The following TFEC variants were observed in gnomAD, a reference collection of about 807,000 sequenced individuals.
TFEC encodes transcription factor EC, also known as class E basic helix-loop-helix protein 34.
Under a neutral mutation model 41.6 loss-of-function variants are expected in TFEC, and 31 were observed. The ratio of observed to expected loss-of-function variants is 0.74; its 90% CI spans 0.56 to 1.01. TFEC has a LOEUF of 1.01. Ranked by LOEUF, TFEC falls within the 50% of genes least tolerant of loss-of-function variation. The pLI is 0.00. For synonymous variants in TFEC, 143 were observed against 140.6 expected, an observed-to-expected ratio of 1.02 and a Z score of -0.12; for missense variants, 402 against 404.1, an observed-to-expected ratio of 0.99 and a Z score of 0.04.
intron 3 of TFEC, among the ~76,000 whole-genome samples, chr7:116,086,344 A>G (rs1208621827): frequency 2.0e-5 from 3 of 151,820 alleles, no homozygotes; most frequent in African/African-American, 7.2e-5. Flanking sequence ...AAATAATACC[A>G]TATTTAGGAC....
Position 115,979,644 on chromosome 7 carries a change from G to T in TFEC, c.180+4618C>A, listed in dbSNP as rs1437735255. Among the ~76,000 whole-genome samples, 5 of 151,970 alleles carry T rather than the reference G, an allele frequency of 3.3e-5. 1 individual carries two copies. Among genetic ancestry groups the T allele is most frequent in the African/African-American group, 1.2e-4 (5 of 41,376 alleles). ...GTCCTTTGAACCTCTTCTCCTGGTT[G>T]TCCTAAGTTAACTCATCATCACTTT... On this transcript the variant is annotated intron_variant, in intron 2 of 7. Coordinates refer to ENST00000265440, the MANE Select transcript of TFEC (RefSeq NM_012252.4).
chr7:116,159,204 A>G (rs1443416645), intron 1 of TFEC, among the ~76,000 whole-genome samples: 12 of 152,042 alleles, frequency 7.9e-5, no homozygotes, highest in Admixed American at 6.6e-5. Flanking sequence ...TCTCACTTTT[A>G]CTAAATTATG....
At chr7:116,038,893 T>C (rs1186854540) in intron 3 of TFEC, among the ~76,000 whole-genome samples, 1 of 152,124 alleles carries the variant, frequency 6.6e-6, no homozygotes, top group Non-Finnish European at 1.5e-5. Flanking sequence ...ATTTTCCTCA[T>C]AGTTACTCAA....
intron 1 of TFEC, among the ~76,000 whole-genome samples, chr7:116,156,286 G>A (rs574661958): frequency 1.3e-5 from 2 of 152,262 alleles, no homozygotes; most frequent in East Asian, 1.9e-4. Context: ...AAAGCATGGA[G>A]TGTAAACAAA....
chr7:115,988,544 C>A (rs1005002261), intron 1 of TFEC, among the ~76,000 whole-genome samples: 22 of 150,990 alleles, frequency 1.5e-4, no homozygotes, highest in Non-Finnish European at 2.8e-4. Flanking sequence ...AGCTTAAAAA[C>A]AAAAAAAGAA....
At chr7:116,102,715 T>C (rs544660542) in intron 3 of TFEC, among the ~76,000 whole-genome samples, 1 of 152,316 alleles carries the variant, frequency 6.6e-6, no homozygotes, top group African/African-American at 2.4e-5. Context: ...AAGTTTTTCA[T>C]TTCATTTACA....
chr7:115,959,226 A>C (rs1344696995), intron 3 of TFEC, among the ~76,000 whole-genome samples: 1 of 151,796 alleles, frequency 6.6e-6, no homozygotes, highest in Non-Finnish European at 1.5e-5. Flanking sequence ...AAAATAAATA[A>C]TTTATTATAA....
At position 116,050,388 on chromosome 7, in the gene TFEC, A is replaced by C. The variant is rs569487449; in HGVS notation, c.198+60320T>G. ...AAATGAACTAGAGAATCTAGAAGAA[A>C]TCTATCCATCTGAAAAAGGGCTAAT... On this transcript the variant is annotated intron_variant, in intron 3 of 8. Transcript: ENST00000484212. 2.0e-5 allele frequency among the ~76,000 whole-genome samples: 3 copies of C among 152,352 alleles called. No homozygotes were observed. The East Asian group carries it at 5.8e-4, about 29-fold the overall frequency.
chr7:116,094,840 T>C (rs1450742131), intron 3 of TFEC, among the ~76,000 whole-genome samples: 1 of 152,252 alleles, frequency 6.6e-6, no homozygotes, highest in Non-Finnish European at 1.5e-5. Context: ...AATGTTATAA[T>C]AGCACCAGTA....
At chr7:115,958,208 G>A (rs537609094) in intron 3 of TFEC, among the ~76,000 whole-genome samples, 9 of 151,818 alleles carry the variant, frequency 5.9e-5, no homozygotes, top group African/African-American at 1.9e-4. Context: ...CTGTAAAATA[G>A]GGACAAAGTT....
intron 3 of TFEC, among the ~76,000 whole-genome samples, chr7:115,963,555 G>A (rs754188297): frequency 4.0e-5 from 6 of 151,628 alleles, no homozygotes; most frequent in African/African-American, 7.3e-5. Flanking sequence ...AACAAAATGT[G>A]GTGTATACAC....
chr7:115,956,861 A>G (rs1792263351), intron 3 of TFEC, 68 bp from the exon 4 acceptor site: 8 of 921,378 alleles, frequency 8.7e-6, no homozygotes, highest in Non-Finnish European at 9.0e-6. Context: ...TTAGTTATAT[A>G]TATTACATTT....
At chr7:116,153,501 C>T (rs369185206) in intron 1 of TFEC, among the ~76,000 whole-genome samples, 1 of 152,190 alleles carries the variant, frequency 6.6e-6, no homozygotes, top group African/African-American at 2.4e-5. Flanking sequence ...GATCCACCCA[C>T]CTCGGCCTCC....
intron 2 of TFEC, among the ~76,000 whole-genome samples, chr7:115,976,410 G>A (rs1793381219): frequency 6.6e-6 from 1 of 152,148 alleles, no homozygotes; most frequent in South Asian, 2.1e-4. Context: ...AGGTGACAGA[G>A]TGAGACCCCA....
intron 3 of TFEC, among the ~76,000 whole-genome samples, chr7:116,045,974 C>T (rs1796154025): frequency 6.6e-6 from 1 of 152,066 alleles, no homozygotes; most frequent in African/African-American, 2.4e-5. Context: ...CTTGGATGGG[C>T]CCTGTAACCC....
At position 115,974,573 on chromosome 7, in the gene TFEC, T is replaced by C. The variant is rs1793298429; in HGVS notation, c.181-317A>G. Reference sequence around the variant, plus strand: ...AACTTGACAAATCACCCTGGGCTAGTCTCTTGGAAATCAGTATCTACATAA... The same window carrying C: ...AACTTGACAAATCACCCTGGGCTAGCCTCTTGGAAATCAGTATCTACATAA... On this transcript the variant is annotated intron_variant, in intron 2 of 7. Transcript: ENST00000265440. Among the ~76,000 whole-genome samples, 4 of 147,744 alleles carry C rather than the reference T, an allele frequency of 2.7e-5. No homozygotes were observed. The South Asian group carries it at 8.6e-4, about 32-fold the overall frequency.
chr7:116,110,330 G>C (rs1797824197), intron 3 of TFEC, among the ~76,000 whole-genome samples: 1 of 151,990 alleles, frequency 6.6e-6, no homozygotes. Context: ...CTTCATTATG[G>C]CATACTACAA....
At chr7:115,946,136 A>G (rs1791529544) in intron 6 of TFEC, among the ~76,000 whole-genome samples, 1 of 151,598 alleles carries the variant, frequency 6.6e-6, no homozygotes, top group African/African-American at 2.4e-5. Context: ...TTTTATTTTT[A>G]TAAAAACACA....
At chr7:116,067,591 G>C (rs771866111) in intron 3 of TFEC, among the ~76,000 whole-genome samples, 64 of 151,976 alleles carry the variant, frequency 4.2e-4, no homozygotes, top group Admixed American at 1.2e-3. Context: ...ATTTCCCTGT[G>C]TCTACTGCTT....
Sources: allele counts gnomAD v4.1 joint callset (sites outside exome capture counted in the v4.1 genomes callset), GRCh38; gene constraint gnomAD v4.1.1; transcripts MANE v1.5; gene names NCBI Gene and HGNC (gene_info 2026-07-23, HGNC 2026-07-21).